The following NRCAM variants were observed in gnomAD, a reference collection of about 807,000 sequenced individuals.
The protein encoded by NRCAM is neuronal cell adhesion molecule, also known as NgCAM-related cell adhesion molecule.
A neutral mutation model predicts 156.5 loss-of-function variants in NRCAM; 83 were observed. That is an observed-to-expected ratio of 0.53 (90% CI 0.44 to 0.64). NRCAM has a LOEUF of 0.64. NRCAM is among the 30% of genes least tolerant of loss of function. The pLI, the probability that NRCAM is intolerant of heterozygous loss-of-function variation, is 0.00. For missense variants in NRCAM, 1,417 were observed against 1,597.3 expected (o/e 0.89, Z 1.92); for synonymous variants, 538 against 563.9 (o/e 0.95, Z 0.65).
chr7:108,175,415 A>G, intron 27 of NRCAM, 58 bp from the exon 28 acceptor site: 4 of 1,351,566 alleles, frequency 3.0e-6, no homozygotes, highest in Non-Finnish European at 4.1e-6. Context: ...CACACCCATG[A>G]GCATGTATAG....
At chr7:108,209,718 AATAC>A in intron 11 of NRCAM, 113 bp from the exon 12 acceptor site, 3 of 741,388 alleles carry the variant, frequency 4.0e-6, no homozygotes, top group Non-Finnish European at 6.7e-6. Flanking sequence ...AATCATAAGA[AATAC>A]ATAGATATTT....
intron 2 of NRCAM, among the ~76,000 whole-genome samples, chr7:108,378,061 C>T (rs891668352): frequency 2.6e-5 from 4 of 152,008 alleles, no homozygotes; most frequent in African/African-American, 9.7e-5. Context: ...GATAAAGTCC[C>T]AACAAATATA....
At chr7:108,394,273 G>A (rs11976021) in intron 2 of NRCAM, among the ~76,000 whole-genome samples, 28,896 of 152,138 alleles carry the variant, frequency 0.19, 3,583 homozygotes, top group Non-Finnish European at 0.28. Context: ...GTCAGGAAAG[G>A]GCAGGGGATC....
chr7:108,418,560 TACACACACACAC>T (rs59582056), intron 1 of NRCAM, among the ~76,000 whole-genome samples: 94 of 143,728 alleles, frequency 6.5e-4, no homozygotes, highest in African/African-American at 1.7e-3. Context: ...ATACATATTA[TACACACACACAC>T]ACACACACAC....
intron 1 of NRCAM, among the ~76,000 whole-genome samples, chr7:108,416,783 C>T (rs948318352): frequency 6.6e-6 from 1 of 152,216 alleles, no homozygotes; most frequent in African/African-American, 2.4e-5. Context: ...GAGCAGTTCA[C>T]ACATCCTGTT....
At chr7:108,302,035 T>C (rs937902296) in intron 3 of NRCAM, among the ~76,000 whole-genome samples, 1 of 151,076 alleles carries the variant, frequency 6.6e-6, no homozygotes, top group African/African-American at 2.4e-5. Flanking sequence ...TCACCCTTTC[T>C]AAATAGTGAC....
At chr7:108,350,331 T>C (rs1030141021) in intron 2 of NRCAM, among the ~76,000 whole-genome samples, 2 of 152,200 alleles carry the variant, frequency 1.3e-5, no homozygotes, top group African/African-American at 4.8e-5. Flanking sequence ...CTGGGAACAG[T>C]GATGGCTTCC....
chr7:108,257,911 G>T (rs913397388), intron 3 of NRCAM, among the ~76,000 whole-genome samples: 3 of 151,886 alleles, frequency 2.0e-5, no homozygotes, highest in Admixed American at 6.6e-5. Context: ...TCTTCTTCAC[G>T]TGCCACACTG....
chr7:108,320,281 G>A (rs1265118124), intron 2 of NRCAM, among the ~76,000 whole-genome samples: 1 of 151,916 alleles, frequency 6.6e-6, no homozygotes, highest in Non-Finnish European at 1.5e-5. Flanking sequence ...GGGAGACCCT[G>A]TCTCTGTGAA....
At chr7:108,194,515 A>G in intron 15 of NRCAM, 87 bp from the exon 16 acceptor site, 1 of 852,878 alleles carries the variant, frequency 1.2e-6, no homozygotes, top group Non-Finnish European at 1.8e-6. Context: ...GGTCAACATG[A>G]CCATGATGAA....
At chr7:108,437,364 G>C (rs994469829) in intron 1 of NRCAM, among the ~76,000 whole-genome samples, 6 of 152,120 alleles carry the variant, frequency 3.9e-5, no homozygotes, top group Admixed American at 1.3e-4. Context: ...CCTATTATTT[G>C]ATAGCACAAC....
At chr7:108,310,745 A>G (rs1031392419) in intron 3 of NRCAM, among the ~76,000 whole-genome samples, 2 of 152,204 alleles carry the variant, frequency 1.3e-5, no homozygotes, top group Non-Finnish European at 2.9e-5. Flanking sequence ...GGGAAGACTC[A>G]GTATTTAGTT....
chr7:108,441,861 C>T (rs1838918295), intron 1 of NRCAM, among the ~76,000 whole-genome samples: 1 of 152,096 alleles, frequency 6.6e-6, no homozygotes, highest in Non-Finnish European at 1.5e-5. Context: ...TATCAAATAG[C>T]CTAAAATGCC....
intron 2 of NRCAM, among the ~76,000 whole-genome samples, chr7:108,366,402 T>C (rs191531750): frequency 9.0e-4 from 137 of 152,336 alleles, no homozygotes; most frequent in Non-Finnish European, 1.5e-3. Flanking sequence ...AAATGATATA[T>C]TCTGAATGTC....
chr7:108,268,624 GT>G (rs1156259358), intron 3 of NRCAM, among the ~76,000 whole-genome samples: 8,787 of 98,060 alleles, frequency 0.09, 1,556 homozygotes, highest in Non-Finnish European at 0.12. Context: ...GGGGGTGGGG[GT>G]GGGGGGGGGT....
rs143268865 is a variant in NRCAM at position 108,290,796 on chromosome 7, T to G, written c.-107+21869A>C. On this transcript the variant is annotated intron_variant, in intron 3 of 32. Transcript: ENST00000379028. ...ATTTCAGCATTATGTACTATCATTA[T>G]CTATTCTTTCAGGGTTCTGAAAAGG... 9.8e-5 allele frequency among the ~76,000 whole-genome samples: 15 copies of G among 152,338 alleles called. No individual in the cohort carries two copies. In the East Asian group the frequency reaches 2.1e-3, roughly 22 times the overall value.
chr7:108,223,903 CAAA>C lies in NRCAM; in HGVS notation c.779-70_779-68del, dbSNP rs1357667065. ...TGTATTTCTATAAACACTTCATTGT[CAAA>C]AAAGCTGTCTAAAATTCCAATCCCT... On this transcript the variant is annotated intron_variant, in intron 10 of 32. Transcript: ENST00000379028. 3 of 782,836 alleles carry C rather than the reference CAAA, an allele frequency of 3.8e-6. No homozygotes were observed. The South Asian group carries it at 4.6e-5, about 12-fold the overall frequency. The allele number at this position is 782,836 out of a possible 1,614,324, so 48.5% of individuals were successfully genotyped here.
At chr7:108,401,097 T>TA (rs2099791203) in intron 1 of NRCAM, among the ~76,000 whole-genome samples, 1 of 150,890 alleles carries the variant, frequency 6.6e-6, no homozygotes, top group African/African-American at 2.4e-5. Flanking sequence ...CCGTCTCTAC[T>TA]AAAAAATACA....
In NRCAM at chr7:108,184,415, A is replaced by C. The variant is rs1276893145; in HGVS notation, c.2233+2T>G. Reference sequence around the variant, plus strand: ...CCTAGAAGTCCCGCTTTCCCGCTTTACCTGAGGCTTTCGTCAAATACTGCT... The same window carrying C: ...CCTAGAAGTCCCGCTTTCCCGCTTTCCCTGAGGCTTTCGTCAAATACTGCT... On this transcript the variant is annotated splice_donor_variant, in intron 21 of 32. Transcript: ENST00000379028. LOFTEE classifies it high-confidence loss of function. 6.2e-7 allele frequency: 1 copy of C among 1,614,142 alleles called. No individual in the cohort carries two copies. The highest frequency in any genetic ancestry group is 1.1e-5 in the South Asian group (1 of 91,080).
Sources: allele counts gnomAD v4.1 joint callset (sites outside exome capture counted in the v4.1 genomes callset), GRCh38; gene constraint gnomAD v4.1.1; transcripts MANE v1.5; gene names NCBI Gene and HGNC (gene_info 2026-07-23, HGNC 2026-07-21).